CPPED1: variants seen among roughly 807,000 people sequenced by gnomAD.
The protein encoded by CPPED1 is serine/threonine-protein phosphatase CPPED1.
Under a neutral mutation model 28.0 loss-of-function variants are expected in CPPED1, and 28 were observed. The observed-to-expected ratio is 1.00, with a 90% confidence interval of 0.74 to 1.37. The LOEUF (loss-of-function observed/expected upper bound fraction) is 1.37, where lower values mean the gene tolerates loss of function less well. Ranked by LOEUF, CPPED1 falls within the 40% of genes most tolerant of loss-of-function variation. The pLI is 0.00. For synonymous variants in CPPED1, 198 were observed against 180.2 expected, an observed-to-expected ratio of 1.10 and a Z score of -0.79; for missense variants, 504 against 416.5, an observed-to-expected ratio of 1.21 and a Z score of -1.83.
chr16:12,766,256 T>TATATAGAGAGAGAGAGAG, intron 2 of CPPED1, among the ~76,000 whole-genome samples: 2 of 134,250 alleles, frequency 1.5e-5, no homozygotes, highest in African/African-American at 7.0e-5. Flanking sequence ...TATATATATA[T>TATATAGAGAGAGAGAGAG]AGAGAGAGAG....
chr16:12,674,344 G>A (rs921364522), intron 3 of CPPED1, among the ~76,000 whole-genome samples: 1 of 152,188 alleles, frequency 6.6e-6, no homozygotes, highest in African/African-American at 2.4e-5. Flanking sequence ...GGCTCAAGGA[G>A]TCTGAAACGA....
Position 12,766,277 on chromosome 16 carries a change from G to GA in CPPED1, c.289+14907_289+14908insT, listed in dbSNP as rs1567301044. Among the ~76,000 whole-genome samples, 10 of 119,948 alleles carry GA rather than the reference G, an allele frequency of 8.3e-5. 1 individual carries two copies. Among genetic ancestry groups the GA allele is most frequent in the African/African-American group, 3.5e-4 (9 of 25,542 alleles). 78.7% of individuals were successfully genotyped at this position (119,948 alleles called of 152,430 possible). A position where few individuals can be genotyped will look rare whatever the true frequency, so the allele number is the denominator to read the frequency against. ...TATATAGAGAGAGAGAGAGAGAGAG[G>GA]GAGAGAGAGAGAGAGAAAGAGAGAG... On this transcript the variant is annotated intron_variant, in intron 2 of 3. Transcript: ENST00000381774.
chr16:12,764,576 T>A (rs193008398), intron 2 of CPPED1, among the ~76,000 whole-genome samples: 1 of 152,104 alleles, frequency 6.6e-6, no homozygotes, highest in Non-Finnish European at 1.5e-5. Context: ...CTGACCTAAG[T>A]GATCCTTCTG....
At chr16:12,747,683 G>A (rs2080299345) in intron 2 of CPPED1, among the ~76,000 whole-genome samples, 2 of 152,092 alleles carry the variant, frequency 1.3e-5, no homozygotes, top group South Asian at 4.1e-4. Flanking sequence ...CTCCCAAAGT[G>A]CTAGAATTAC....
At chr16:12,756,830 C>G (rs186787942) in intron 2 of CPPED1, among the ~76,000 whole-genome samples, 48 of 152,236 alleles carry the variant, frequency 3.2e-4, no homozygotes, top group African/African-American at 1.1e-3. Flanking sequence ...TTTATGATAC[C>G]AATTTAACCC....
chr16:12,715,348 G>A (rs979310414), intron 2 of CPPED1, among the ~76,000 whole-genome samples: 6 of 152,100 alleles, frequency 3.9e-5, no homozygotes, highest in Non-Finnish European at 7.4e-5. Flanking sequence ...TAAGATCAAG[G>A]TCCAACACTT....
intron 2 of CPPED1, among the ~76,000 whole-genome samples, chr16:12,739,933 A>G (rs925347431): frequency 6.6e-6 from 1 of 152,108 alleles, no homozygotes; most frequent in Admixed American, 6.6e-5. Flanking sequence ...ATAACAAGAA[A>G]TTGGCAGAGA....
At chr16:12,712,737 A>G (rs971221633) in intron 2 of CPPED1, among the ~76,000 whole-genome samples, 3 of 152,184 alleles carry the variant, frequency 2.0e-5, no homozygotes, top group African/African-American at 7.2e-5. Flanking sequence ...AGTACGACAC[A>G]ATTTTATTAA....
intron 2 of CPPED1, among the ~76,000 whole-genome samples, chr16:12,735,181 T>A (rs984335497): frequency 4.6e-5 from 7 of 152,184 alleles, no homozygotes; most frequent in African/African-American, 1.7e-4. Flanking sequence ...GCTCCCAACA[T>A]ACTCCATGGA....
intron 2 of CPPED1, among the ~76,000 whole-genome samples, chr16:12,728,048 C>T (rs991144185): frequency 1.7e-4 from 26 of 152,194 alleles, no homozygotes; most frequent in African/African-American, 4.8e-4. Flanking sequence ...ACTTCATTTA[C>T]AATCACGCTT....
At chr16:12,771,008 T>G (rs904231329) in intron 2 of CPPED1, among the ~76,000 whole-genome samples, 8 of 152,114 alleles carry the variant, frequency 5.3e-5, no homozygotes, top group Non-Finnish European at 1.2e-4. Flanking sequence ...AAATATAGAT[T>G]TTAAATTTAC....
chr16:12,676,379 C>T (rs537978886), intron 3 of CPPED1, among the ~76,000 whole-genome samples: 7 of 152,250 alleles, frequency 4.6e-5, no homozygotes, highest in Admixed American at 2.6e-4. Context: ...ATGCAGAAAT[C>T]GACATCACTC....
intron 2 of CPPED1, among the ~76,000 whole-genome samples, chr16:12,738,082 A>G (rs1166791042): frequency 6.6e-6 from 1 of 152,122 alleles, no homozygotes; most frequent in Non-Finnish European, 1.5e-5. Flanking sequence ...CTTTCTTTAG[A>G]AAATGTTAAG....
rs186006677 is a variant in CPPED1 at position 12,680,725 on chromosome 16, C to T, written c.716-15610G>A. ...TACGGAGTGCCTAAGCCAAGCAGCT[C>T]TGCCCCTGTGAGACCTGGGGTGGGC... On this transcript the variant is annotated intron_variant, in intron 3 of 3. Coordinates refer to ENST00000381774, the MANE Select transcript of CPPED1 (RefSeq NM_018340.3). Among the ~76,000 whole-genome samples the T allele has an allele frequency of 1.0e-2, 1,517 of 152,266 alleles. 25 individuals are homozygous for T. Among genetic ancestry groups the T allele is most frequent in the African/African-American group, 0.035 (1,439 of 41,548 alleles).
At chr16:12,733,446 T>G (rs2080210022) in intron 2 of CPPED1, among the ~76,000 whole-genome samples, 1 of 152,096 alleles carries the variant, frequency 6.6e-6, no homozygotes, top group African/African-American at 2.4e-5. Flanking sequence ...GGCTAATTTT[T>G]GTATTTTTAG....
chr16:12,803,518 G>T (rs1186809425), intron 1 of CPPED1, among the ~76,000 whole-genome samples, 189 bp downstream of exon 1: 1 of 152,170 alleles, frequency 6.6e-6, no homozygotes, highest in Non-Finnish European at 1.5e-5. Context: ...TCGCTCTCTC[G>T]GCCTCGCCTC....
At position 12,664,731 on chromosome 16, in the gene CPPED1, C is replaced by T. The variant is rs1046636697; in HGVS notation, c.*155G>A. ...GTTCTATTTTGAATATAATTCAGGA[C>T]AGGGCCCCAGCTCTCTGATTTATGC... On this transcript the variant is annotated 3_prime_UTR_variant, in exon 4 of 4. Coordinates refer to ENST00000381774, the MANE Select transcript of CPPED1 (RefSeq NM_018340.3). The surrounding 1 kb of genome is among the most constrained non-coding windows in gnomAD (Gnocchi z 4.2). The T allele has an allele frequency of 1.6e-5, 24 of 1,477,046 alleles. No individual in the cohort carries two copies. In the African/African-American group the frequency reaches 3.0e-4, roughly 19 times the overall value. The allele number at this position is 1,477,046 out of a possible 1,614,324, so 91.5% of individuals were successfully genotyped here.
chr16:12,735,513 C>A (rs1312897936), intron 2 of CPPED1, among the ~76,000 whole-genome samples: 1 of 152,216 alleles, frequency 6.6e-6, no homozygotes, highest in Non-Finnish European at 1.5e-5. Flanking sequence ...CCATGTTGGC[C>A]AGGCTGGCCT....
In CPPED1 at chr16:12,682,520, C is replaced by T. The variant is rs371242804; in HGVS notation, c.716-17405G>A. On this transcript the variant is annotated intron_variant, in intron 3 of 3. Coordinates refer to ENST00000381774, the MANE Select transcript of CPPED1 (RefSeq NM_018340.3). The surrounding 1 kb of genome is among the most constrained non-coding windows in gnomAD (Gnocchi z 6.1). ...GGAGCTAGGGGTTGGGAGACTCAGGCGTGAACCTCAGTTCTGCTGTTGCTG... is the reference window on the plus strand; with the variant it reads ...GGAGCTAGGGGTTGGGAGACTCAGGTGTGAACCTCAGTTCTGCTGTTGCTG... 3.3e-5 allele frequency among the ~76,000 whole-genome samples: 5 copies of T among 152,114 alleles called. No individual in the cohort carries two copies. The highest frequency in any genetic ancestry group is 7.3e-5 in the Non-Finnish European group (5 of 68,030).
Sources: allele counts gnomAD v4.1 joint callset (sites outside exome capture counted in the v4.1 genomes callset), GRCh38; gene constraint gnomAD v4.1.1; non-coding constraint Gnocchi (gnomAD v3.1); transcripts MANE v1.5; gene names NCBI Gene and HGNC (gene_info 2026-07-23, HGNC 2026-07-21).